The following DGCR8 variants were observed in gnomAD, a reference collection of about 807,000 sequenced individuals.
DGCR8 encodes the protein DGCR8 microprocessor complex subunit, also known as microprocessor complex subunit DGCR8.
A neutral mutation model predicts 78.5 loss-of-function variants in DGCR8; 14 were observed. The observed-to-expected ratio is 0.18, with a 90% CI of 0.12 to 0.28. The LOEUF (loss-of-function observed/expected upper bound fraction) is 0.28, where lower values mean the gene tolerates loss of function less well. DGCR8 is among the 10% of genes least tolerant of loss of function. The pLI is 1.00. For missense variants in DGCR8, 702 were observed against 1,022.5 expected, an observed-to-expected ratio of 0.69 and a Z score of 4.28; for synonymous variants, 399 against 402.4, an observed-to-expected ratio of 0.99 and a Z score of 0.10.
rs1165935990 is a variant in DGCR8, at chr22:20,106,284, TA to T, written c.1889+8del. 3.1e-6 allele frequency: 5 copies of T among 1,609,812 alleles called. No homozygotes were observed. Among genetic ancestry groups the T allele is most frequent in the Non-Finnish European group, 4.2e-6 (5 of 1,177,460 alleles). ...TCCACGAGTGCCTTAAAAGGTAGGG[TA>T]GGGGGGTGCCTCCCCCCATGAGTCA... On this transcript the variant is annotated splice_region_variant and intron_variant, in intron 10 of 13. Transcript: ENST00000351989.
chr22:20,107,696 C>T (rs529407171), intron 12 of DGCR8: 11 of 423,154 alleles, frequency 2.6e-5, no homozygotes, highest in African/African-American at 1.2e-4. Context: ...GCAGGAGATG[C>T]TGAAGGTGCG....
In DGCR8 at chr22:20,087,344, G is replaced by A. The variant is rs759026610; in HGVS notation, c.880+23G>A. The A allele has an allele frequency of 2.5e-6, 4 of 1,584,544 alleles. No homozygotes were observed. In the South Asian group the frequency reaches 4.5e-5, roughly 18 times the overall value. On this transcript the variant is annotated intron_variant, in intron 3 of 13. Coordinates refer to ENST00000351989, the MANE Select transcript of DGCR8 (RefSeq NM_022720.7). This position sits in a 1 kb window ranked among gnomAD's most constrained non-coding sequence, Gnocchi z 4.1. ...AAAGTACGTGTGTGGGTCAGAAGCA[G>A]TGGGTGTTCCAGGGCAGTGGAGGGG...
Position 20,110,036 on chromosome 22 carries a change from A to G in DGCR8, c.2250A>G (p.Arg750=). The change falls in exon 14 of 14, where the codon CGA becomes CGG. Residue 750 remains arginine (R), a synonymous_variant. Coordinates refer to ENST00000351989, the MANE Select transcript of DGCR8 (RefSeq NM_022720.7). ...TGTTGTTCTTTCAGGAGGAGACTCG[A>G]AAGAAGCCCAAGATGTCCATTGTGG... The part of the protein sequence containing the change: ...KRLAEEREET[R]KKPKMSIVAS... 1 of 1,613,792 alleles carries G rather than the reference A, an allele frequency of 6.2e-7. No homozygotes were observed. The highest frequency in any genetic ancestry group is 2.2e-5 in the East Asian group (1 of 44,882).
intron 1 of DGCR8, chr22:20,080,589 G>C (rs2049406556): frequency 6.5e-6 from 4 of 618,050 alleles, no homozygotes; most frequent in Non-Finnish European, 6.1e-6. Context: ...GGCGGGCCCC[G>C]GGCCCAGGCG....
intron 9 of DGCR8, among the ~76,000 whole-genome samples, chr22:20,097,776 A>T (rs1241574619): frequency 6.7e-6 from 1 of 149,778 alleles, no homozygotes; most frequent in East Asian, 1.9e-4. Context: ...TTTTAAAAAA[A>T]TTCTTTATTG....
chr22:20,108,791 G>GCACCTACCTTGCCAGACCCTGGGCA, intron 12 of DGCR8, 99 bp from the exon 13 acceptor site: 3 of 705,208 alleles, frequency 4.3e-6, no homozygotes, highest in Non-Finnish European at 7.9e-6. Flanking sequence ...GACCCTGGGC[G>GCACCTACCTTGCCAGACCCTGGGCA]CGCCTGCCTT....
At chr22:20,107,965 T>C in intron 12 of DGCR8, 1 of 156,162 alleles carries the variant, frequency 6.4e-6, no homozygotes, top group Non-Finnish European at 1.4e-5. Flanking sequence ...AGAAACTCTC[T>C]GGGTTCTTGC....
In DGCR8 at chr22:20,086,750, C is replaced by A; in HGVS notation, c.720+67C>A. ...CCAAAGAGAGATTTGGGAATTGCAG[C>A]ATCTTTTGAAAGCAGGGAAATTAAA... is the stretch of plus-strand genomic sequence containing the variant. On this transcript the variant is annotated intron_variant, in intron 2 of 13. Coordinates refer to ENST00000351989, the MANE Select transcript of DGCR8 (RefSeq NM_022720.7). The surrounding 1 kb of genome is among the most constrained non-coding windows in gnomAD (Gnocchi z 6.4). The A allele has an allele frequency of 1.1e-5, 15 of 1,385,878 alleles. No homozygotes were observed. The highest frequency in any genetic ancestry group is 2.4e-5 in the Admixed American group (1 of 41,822). The allele number at this position is 1,385,878 out of a possible 1,614,324, so 85.8% of individuals were successfully genotyped here. A position where few individuals can be genotyped will look rare whatever the true frequency, so the allele number is the denominator to read the frequency against.
Position 20,085,799 on chromosome 22 carries a change from T to C in DGCR8, c.-165T>C. The C allele has an allele frequency of 1.4e-6, 2 of 1,464,520 alleles. No homozygotes were observed. The highest frequency in any genetic ancestry group is 1.8e-6 in the Non-Finnish European group (2 of 1,116,238). The allele number at this position is 1,464,520 out of a possible 1,614,324, so 90.7% of individuals were successfully genotyped here. A position where few individuals can be genotyped will look rare whatever the true frequency, so the allele number is the denominator to read the frequency against. On this transcript the variant is annotated 5_prime_UTR_variant, in exon 2 of 14. Transcript: ENST00000351989. The surrounding 1 kb of genome is among the most constrained non-coding windows in gnomAD (Gnocchi z 6.2). ...ATTGAGGCAGTGGTTCTAAAAGCTG[T>C]CTACATTAATGAAAAGAGCAATGTG... is the stretch of plus-strand genomic sequence containing the variant.
chr22:20,102,406 C>A (rs2049714158), intron 9 of DGCR8, among the ~76,000 whole-genome samples: 1 of 152,156 alleles, frequency 6.6e-6, no homozygotes, highest in African/African-American at 2.4e-5. Context: ...TGAGTGCTGG[C>A]CACCAGGTGG....
chr22:20,086,392 C>T lies in DGCR8; in HGVS notation c.429C>T (p.Asp143=), dbSNP rs370350957. The T allele has an allele frequency of 1.9e-5, 31 of 1,613,742 alleles. No individual in the cohort carries two copies. In the Admixed American group the frequency reaches 2.3e-4, roughly 12 times the overall value. The change falls in exon 2 of 14, where the codon GAC becomes GAT. Residue 143 remains aspartate (D), a synonymous_variant. Coordinates refer to ENST00000351989, the MANE Select transcript of DGCR8 (RefSeq NM_022720.7). The surrounding 1 kb of genome is among the most constrained non-coding windows in gnomAD (Gnocchi z 6.4). ...TGCTGTACACAGGAGCAGAGCGCGA[C>T]GTGCGGGCGGAGTGCGGTCTGCTCC... ...RKVLYTGAER[D]VRAECGLLLS...
chr22:20,094,968 C>T (rs565570949), intron 9 of DGCR8, among the ~76,000 whole-genome samples, 173 bp downstream of exon 9: 7 of 152,256 alleles, frequency 4.6e-5, no homozygotes, highest in South Asian at 2.1e-4. Context: ...AGGAAACTTG[C>T]CTGTCTTTGT....
chr22:20,094,696 G>T lies in DGCR8; in HGVS notation c.1706-17G>T, dbSNP rs2049606910. ...GGCAGTGCCCAAGCCTCACCCTCGG[G>T]CTCTTTTTTTTCATAGCCCGAGCTA... On this transcript the variant is annotated splice_polypyrimidine_tract_variant and intron_variant, in intron 8 of 13. Coordinates refer to ENST00000351989, the MANE Select transcript of DGCR8 (RefSeq NM_022720.7). 1 of 1,612,552 alleles carries T rather than the reference G, an allele frequency of 6.2e-7. No individual in the cohort carries two copies.
chr22:20,101,730 C>G (rs1054764346), intron 9 of DGCR8: 2 of 985,268 alleles, frequency 2.0e-6, no homozygotes, highest in Non-Finnish European at 2.4e-6. Context: ...TTTGCTGGTC[C>G]TCCCTAGCGA....
chr22:20,080,614 C>A (rs572440258), intron 1 of DGCR8: 115 of 452,946 alleles, frequency 2.5e-4, no homozygotes, highest in African/African-American at 2.3e-3. Flanking sequence ...CGACTCTCGT[C>A]GCTGTCCGCC....
In DGCR8 at chr22:20,091,616, T is replaced by C. The variant is rs763827275; in HGVS notation, c.1488T>C (p.Asp496=). The change falls in exon 6 of 14, where the codon GAT becomes GAC. Residue 496 remains aspartate, a synonymous_variant. Coordinates refer to ENST00000351989, the MANE Select transcript of DGCR8 (RefSeq NM_022720.7). ...AGCTCATTACTTTATCAGTGCAAGA[T>C]GCACCCACAAAGAAAGGTATAAGCC... ...NQKLITLSVQ[D]APTKKEFVIN... The C allele has an allele frequency of 6.2e-7, 1 of 1,614,192 alleles. No homozygotes were observed. Among genetic ancestry groups the C allele is most frequent in the South Asian group, 1.1e-5 (1 of 91,088 alleles).
intron 1 of DGCR8, chr22:20,084,961 C>A: frequency 5.1e-6 from 5 of 985,322 alleles, no homozygotes; most frequent in Non-Finnish European, 6.0e-6. Flanking sequence ...GCGGAACGGG[C>A]TGCAGGTGGC....
rs973850620 is a variant in DGCR8, at chr22:20,101,742, G to A, written c.1789-4435G>A. On this transcript the variant is annotated intron_variant, in intron 9 of 13. Coordinates refer to ENST00000351989, the MANE Select transcript of DGCR8 (RefSeq NM_022720.7). ...CTATTTGCTGGTCCTCCCTAGCGAG[G>A]CTCTCAGGTTGTGTCCCCGCCCCCT... 5 of 985,222 alleles carry A rather than the reference G, an allele frequency of 5.1e-6. No homozygotes were observed. The African/African-American group carries it at 8.7e-5, about 17-fold the overall frequency. 61.0% of individuals were successfully genotyped at this position (985,222 alleles called of 1,614,324 possible). A position where few individuals can be genotyped will look rare whatever the true frequency, so the allele number is the denominator to read the frequency against.
At chr22:20,104,181 G>T (rs1240833796) in intron 9 of DGCR8, among the ~76,000 whole-genome samples, 1 of 147,554 alleles carries the variant, frequency 6.8e-6, no homozygotes, top group Non-Finnish European at 1.5e-5. Context: ...TTTTTGAGAC[G>T]GAGTCTCGCT....
Sources: gnomAD v4.1 joint callset for allele counts (sites outside exome capture counted in the v4.1 genomes callset) on GRCh38, gnomAD v4.1.1 for gene constraint, Gnocchi (gnomAD v3.1) non-coding constraint, MANE v1.5 for transcripts, NCBI Gene and HGNC (gene_info 2026-07-23, HGNC 2026-07-21) for gene names.